Variants in KIF6 observed in about 807,000 individuals in gnomAD.
KIF6 encodes kinesin-like protein KIF6.
In KIF6, 106 loss-of-function variants were observed where a neutral mutation model predicts 112.7. The ratio of observed to expected loss-of-function variants is 0.94; its 90% CI spans 0.80 to 1.11. The LOEUF is 1.11. Ranked by LOEUF, KIF6 falls within the 50% of genes least tolerant of loss-of-function variation. The pLI is 0.00. For missense variants in KIF6, 929 were observed against 964.0 expected, an observed-to-expected ratio of 0.96 and a Z score of 0.48; for synonymous variants, 339 against 339.9, an observed-to-expected ratio of 1.00 and a Z score of 0.03.
chr6:39,680,317 G>GT (rs1787441052), intron 3 of KIF6, among the ~76,000 whole-genome samples: 1 of 152,180 alleles, frequency 6.6e-6, no homozygotes, highest in African/African-American at 2.4e-5. Context: ...TGTATAATTA[G>GT]TTTTTAATTC....
intron 3 of KIF6, among the ~76,000 whole-genome samples, chr6:39,665,158 A>G (rs1300524581): frequency 6.6e-6 from 1 of 152,198 alleles, no homozygotes; most frequent in African/African-American, 2.4e-5. Flanking sequence ...CACCAAAATG[A>G]ACAACCTAAG....
chr6:39,669,404 C>G lies in KIF6; in HGVS notation c.252-29647G>C, dbSNP rs147451280. Reference sequence around the variant, plus strand: ...CACACACATATGGATTTATCCAAGACATAGAGGCTCTCCACAGAAGTTAAA... The same window carrying G: ...CACACACATATGGATTTATCCAAGAGATAGAGGCTCTCCACAGAAGTTAAA... On this transcript the variant is annotated intron_variant, in intron 3 of 22. Transcript: ENST00000287152. Among the ~76,000 whole-genome samples, 126 of 152,314 alleles carry G rather than the reference C, an allele frequency of 8.3e-4. 1 individual carries two copies. Among genetic ancestry groups the G allele is most frequent in the Middle Eastern group, 6.8e-3 (2 of 294 alleles).
At chr6:39,370,552 G>GACC (rs969992054) in intron 16 of KIF6, among the ~76,000 whole-genome samples, 2 of 152,186 alleles carry the variant, frequency 1.3e-5, no homozygotes, top group Admixed American at 1.3e-4. Flanking sequence ...TTCTGAGACA[G>GACC]ACCACACAGT....
intron 15 of KIF6, among the ~76,000 whole-genome samples, chr6:39,386,070 T>C (rs1171394670): frequency 6.6e-6 from 1 of 152,268 alleles, no homozygotes; most frequent in East Asian, 1.9e-4. Flanking sequence ...TTATTTAAGC[T>C]ACATGAAACT....
In KIF6 at chr6:39,586,263, C is replaced by T; in HGVS notation, c.988G>A (p.Asp330Asn). ...TCCAGAAAGAAGAGCCCACATACATCAAGATTCCTTTTCTCCAAGGAGAGT... is the reference window on the plus strand; with the variant it reads ...TCCAGAAAGAAGAGCCCACATACATTAAGATTCCTTTTCTCCAAGGAGAGT... ...ATLSLEKRNL[D>N]ESISTCRFAQ... The change falls in exon 8 of 23, where the codon GAT becomes AAT. Residue 330 changes from aspartate (D) to asparagine (N), a missense_variant and splice_region_variant. Transcript: ENST00000287152. The T allele has an allele frequency of 6.2e-7, 1 of 1,614,142 alleles. No homozygotes were observed. The highest frequency in any genetic ancestry group is 8.5e-7 in the Non-Finnish European group (1 of 1,179,992).
chr6:39,540,737 C>T (rs1778743086), intron 12 of KIF6, among the ~76,000 whole-genome samples: 1 of 152,232 alleles, frequency 6.6e-6, no homozygotes, highest in South Asian at 2.1e-4. Context: ...AGCCAGAGCA[C>T]CCCAAGCTCA....
chr6:39,578,162 A>G lies in KIF6; in HGVS notation c.1078-3T>C, dbSNP rs1199954437. Reference sequence around the variant, plus strand: ...TCCTTTTGTAGGCGTTTAATCACCTACAAATGGCAAAGAGGCAGAGAAAAT... The same window carrying G: ...TCCTTTTGTAGGCGTTTAATCACCTGCAAATGGCAAAGAGGCAGAGAAAAT... On this transcript the variant is annotated splice_polypyrimidine_tract_variant and splice_region_variant and intron_variant, in intron 9 of 22. Transcript: ENST00000287152. 3 of 1,593,438 alleles carry G rather than the reference A, an allele frequency of 1.9e-6. No homozygotes were observed.
intron 5 of KIF6, among the ~76,000 whole-genome samples, chr6:39,626,671 T>C (rs918952126): frequency 1.3e-5 from 2 of 152,142 alleles, no homozygotes; most frequent in African/African-American, 2.4e-5. Context: ...CTATCCTCTT[T>C]GGAGAGATTT....
At chr6:39,556,180 T>A (rs1283534017) in intron 10 of KIF6, among the ~76,000 whole-genome samples, 1 of 152,226 alleles carries the variant, frequency 6.6e-6, no homozygotes, top group Admixed American at 6.5e-5. Flanking sequence ...CTTTTTGAAC[T>A]TCTTTTTTCT....
chr6:39,672,804 C>A (rs1053477118), intron 3 of KIF6, among the ~76,000 whole-genome samples: 2 of 152,130 alleles, frequency 1.3e-5, no homozygotes, highest in Admixed American at 1.3e-4. Flanking sequence ...CCTCATTTAA[C>A]CTTAATTACT....
At chr6:39,469,942 A>G (rs974557685) in intron 13 of KIF6, among the ~76,000 whole-genome samples, 2 of 152,232 alleles carry the variant, frequency 1.3e-5, no homozygotes, top group Admixed American at 1.3e-4. Flanking sequence ...ACAACACTAT[A>G]TGCCAACTAG....
intron 14 of KIF6, among the ~76,000 whole-genome samples, chr6:39,427,486 C>T (rs960280873): frequency 6.6e-6 from 1 of 152,122 alleles, no homozygotes; most frequent in African/African-American, 2.4e-5. Context: ...AATAAGAGCT[C>T]CAATCCTAAG....
chr6:39,406,060 T>C (rs1769067805), intron 15 of KIF6, among the ~76,000 whole-genome samples: 1 of 152,208 alleles, frequency 6.6e-6, no homozygotes, highest in South Asian at 2.1e-4. Context: ...TCTTGCTCTG[T>C]TGCCCAGGCT....
At chr6:39,648,743 C>T (rs1785309633) in intron 3 of KIF6, among the ~76,000 whole-genome samples, 1 of 152,162 alleles carries the variant, frequency 6.6e-6, no homozygotes, top group African/African-American at 2.4e-5. Context: ...GCCGGTGCCC[C>T]CTCACCTTTG....
chr6:39,714,176 G>A (rs1273819426), intron 3 of KIF6, among the ~76,000 whole-genome samples: 1 of 152,116 alleles, frequency 6.6e-6, no homozygotes, highest in Non-Finnish European at 1.5e-5. Flanking sequence ...GGTTCTAGTA[G>A]TCAGCAGCCT....
chr6:39,494,707 GAAAA>G (rs546183054), intron 13 of KIF6, among the ~76,000 whole-genome samples: 8 of 150,186 alleles, frequency 5.3e-5, no homozygotes, highest in African/African-American at 2.0e-4. Flanking sequence ...TTTTTAATAG[GAAAA>G]AAAATCAAGA....
intron 13 of KIF6, among the ~76,000 whole-genome samples, chr6:39,467,251 T>C (rs185401857): frequency 1.3e-5 from 2 of 152,276 alleles, no homozygotes; most frequent in African/African-American, 4.8e-5. Flanking sequence ...GCTAGATGCT[T>C]AACAGAGAGA....
chr6:39,672,183 T>C (rs929054526), intron 3 of KIF6, among the ~76,000 whole-genome samples: 1 of 152,222 alleles, frequency 6.6e-6, no homozygotes, highest in Non-Finnish European at 1.5e-5. Flanking sequence ...GGTCTCACTA[T>C]GTTGCCTGGG....
At chr6:39,424,469 G>A (rs1285835074) in intron 14 of KIF6, among the ~76,000 whole-genome samples, 1 of 152,188 alleles carries the variant, frequency 6.6e-6, no homozygotes, top group African/African-American at 2.4e-5. Flanking sequence ...TAGAACAGGG[G>A]CTTGCACCTA....
Sources: gnomAD v4.1 joint callset for allele counts (sites outside exome capture counted in the v4.1 genomes callset) on GRCh38, gnomAD v4.1.1 for gene constraint, MANE v1.5 for transcripts, NCBI Gene and HGNC (gene_info 2026-07-23, HGNC 2026-07-21) for gene names.